SORCS1: variants seen among roughly 807,000 people sequenced by gnomAD.
SORCS1 encodes sortilin related VPS10 domain containing receptor 1.
Under a neutral mutation model 146.1 loss-of-function variants are expected in SORCS1, and 60 were observed. The observed-to-expected ratio is 0.41, with a 90% CI of 0.33 to 0.51. SORCS1 has a LOEUF of 0.51. Among genes scored for constraint, SORCS1 ranks in the 20% least tolerant of loss-of-function variants. The probability of loss-of-function intolerance (pLI) is 0.21; values close to 1 mark genes in which losing one functional copy is unlikely to be tolerated. For synonymous variants in SORCS1, 637 were observed against 584.0 expected (o/e 1.09, Z -1.31); for missense variants, 1,352 against 1,487.6 (o/e 0.91, Z 1.50).
At chr10:107,033,762 G>A (rs1474791226) in intron 1 of SORCS1, among the ~76,000 whole-genome samples, 2 of 152,096 alleles carry the variant, frequency 1.3e-5, no homozygotes, top group African/African-American at 2.4e-5. Flanking sequence ...GAGGCTTATC[G>A]AAGTTTTTGC....
the SORCS1 span, among the ~76,000 whole-genome samples, chr10:107,179,903 AC>A: frequency 5.4e-5 from 4 of 73,426 alleles, no homozygotes; most frequent in East Asian, 4.2e-4. Flanking sequence ...CACAAAACAG[AC>A]TTTTTTTTTT....
At chr10:106,703,971 T>C (rs555499111) in intron 8 of SORCS1, among the ~76,000 whole-genome samples, 5 of 152,222 alleles carry the variant, frequency 3.3e-5, no homozygotes, top group African/African-American at 1.2e-4. Flanking sequence ...TAATGGAACA[T>C]GCTCTTCTGG....
At chr10:106,969,362 CT>C (rs1955656338) in intron 1 of SORCS1, among the ~76,000 whole-genome samples, 1 of 152,126 alleles carries the variant, frequency 6.6e-6, no homozygotes, top group Non-Finnish European at 1.5e-5. Context: ...GTAGGTTATA[CT>C]TTTAGAAGAA....
At chr10:106,828,029 C>T (rs1178763649) in intron 3 of SORCS1, among the ~76,000 whole-genome samples, 1 of 152,138 alleles carries the variant, frequency 6.6e-6, no homozygotes, top group Non-Finnish European at 1.5e-5. Context: ...ATTAATTAAG[C>T]TTTTACTATT....
At chr10:106,950,453 T>C (rs1174169462) in intron 2 of SORCS1, among the ~76,000 whole-genome samples, 1 of 152,180 alleles carries the variant, frequency 6.6e-6, no homozygotes, top group Non-Finnish European at 1.5e-5. Flanking sequence ...AAGGGCTCAA[T>C]TGAAAAGTGC....
At chr10:106,912,415 T>C (rs1952211472) in intron 2 of SORCS1, among the ~76,000 whole-genome samples, 2 of 152,116 alleles carry the variant, frequency 1.3e-5, no homozygotes, top group Admixed American at 1.3e-4. Flanking sequence ...CTTGTTAAAG[T>C]GTGAATTTCT....
At chr10:106,768,145 G>A (rs531762657) in intron 4 of SORCS1, among the ~76,000 whole-genome samples, 1 of 152,314 alleles carries the variant, frequency 6.6e-6, no homozygotes, top group African/African-American at 2.4e-5. Flanking sequence ...TTATAAACAA[G>A]TGTTGGGGTT....
Position 106,996,892 on chromosome 10 carries a change from T to C in SORCS1, c.559-40312A>G, listed in dbSNP as rs558773814. On this transcript the variant is annotated intron_variant, in intron 1 of 25. Coordinates refer to ENST00000263054, the MANE Select transcript of SORCS1 (RefSeq NM_052918.5). Reference sequence around the variant, plus strand: ...ATAAAGTAATATCCATGTTTTTTTTTCTAAAAATGAAAGGAAATATGTCTA... The same window carrying C: ...ATAAAGTAATATCCATGTTTTTTTTCCTAAAAATGAAAGGAAATATGTCTA... Among the ~76,000 whole-genome samples, 7 of 152,290 alleles carry C rather than the reference T, an allele frequency of 4.6e-5. No homozygotes were observed. In the East Asian group the frequency reaches 1.2e-3, roughly 25 times the overall value.
At chr10:106,898,366 A>G (rs905827856) in intron 2 of SORCS1, among the ~76,000 whole-genome samples, 3 of 152,074 alleles carry the variant, frequency 2.0e-5, no homozygotes, top group Non-Finnish European at 4.4e-5. Context: ...GACAGCCAAC[A>G]TCGGCAGGAC....
chr10:106,769,515 G>C lies in SORCS1; in HGVS notation c.885+7019C>G, dbSNP rs188681012. On this transcript the variant is annotated intron_variant, in intron 4 of 25. Transcript: ENST00000263054. Reference sequence around the variant, plus strand: ...AAAAAAAAAAAAGAAAGAAAGAAAGGAACAATTAAAAGGAATAAAGAGAAG... The same window carrying C: ...AAAAAAAAAAAAGAAAGAAAGAAAGCAACAATTAAAAGGAATAAAGAGAAG... Among the ~76,000 whole-genome samples, 1,373 of 150,484 alleles carry C rather than the reference G, an allele frequency of 9.1e-3. 38 individuals carry two copies. Among genetic ancestry groups the C allele is most frequent in the Admixed American group, 0.051 (775 of 15,102 alleles).
intron 5 of SORCS1, among the ~76,000 whole-genome samples, chr10:106,742,389 T>C (rs201219519): frequency 8.3e-6 from 1 of 119,982 alleles, no homozygotes; most frequent in African/African-American, 2.9e-5. Context: ...TTTACACAAT[T>C]TTTTTTTTGA....
intron 1 of SORCS1, among the ~76,000 whole-genome samples, chr10:107,011,717 A>G (rs992207908): frequency 6.6e-6 from 1 of 152,128 alleles, no homozygotes; most frequent in African/African-American, 2.4e-5. Context: ...TCTCCTTACA[A>G]TTCTCCTACT....
At chr10:107,153,536 A>G (rs1234850749) in intron 1 of SORCS1, among the ~76,000 whole-genome samples, 1 of 152,206 alleles carries the variant, frequency 6.6e-6, no homozygotes, top group African/African-American at 2.4e-5. Flanking sequence ...CTCTGGAATC[A>G]ACAAAGGCGA....
intron 4 of SORCS1, among the ~76,000 whole-genome samples, chr10:106,767,088 C>T (rs954981543): frequency 6.6e-6 from 1 of 152,150 alleles, no homozygotes; most frequent in African/African-American, 2.4e-5. Flanking sequence ...TAGGTGCAAT[C>T]TTACCAATAC....
chr10:106,945,252 A>G (rs545265635), intron 2 of SORCS1, among the ~76,000 whole-genome samples: 1 of 152,218 alleles, frequency 6.6e-6, no homozygotes, highest in East Asian at 1.9e-4. Context: ...TTGGATTATG[A>G]CCTGAAAAAT....
chr10:106,621,422 C>A (rs1381330254), intron 19 of SORCS1, among the ~76,000 whole-genome samples: 2 of 151,636 alleles, frequency 1.3e-5, no homozygotes, highest in Non-Finnish European at 2.9e-5. Flanking sequence ...GGTCTATTCA[C>A]CTGGTTTATT....
chr10:107,011,939 AT>A (rs917409540), intron 1 of SORCS1, among the ~76,000 whole-genome samples: 2 of 152,232 alleles, frequency 1.3e-5, no homozygotes, highest in Admixed American at 1.3e-4. Flanking sequence ...GACTGGTGAA[AT>A]AAGGAGATCT....
intron 2 of SORCS1, among the ~76,000 whole-genome samples, chr10:106,840,865 T>TA (rs1564721109): frequency 0.015 from 1,691 of 115,938 alleles, 18 homozygotes; most frequent in East Asian, 0.046. Context: ...ATATATATAT[T>TA]TTTTTTTTTT....
At chr10:106,809,126 C>T (rs1387924953) in intron 3 of SORCS1, among the ~76,000 whole-genome samples, 3 of 151,700 alleles carry the variant, frequency 2.0e-5, no homozygotes, top group South Asian at 2.1e-4. Context: ...AGGCTTTTTT[C>T]GTTCTTCTTC....
Sources: gnomAD v4.1 joint callset for allele counts (sites outside exome capture counted in the v4.1 genomes callset) on GRCh38, gnomAD v4.1.1 for gene constraint, MANE v1.5 for transcripts, NCBI Gene and HGNC (gene_info 2026-07-23, HGNC 2026-07-21) for gene names.